The following PCDHA5 variants were observed in gnomAD, a reference collection of about 807,000 sequenced individuals.
PCDHA5 encodes protocadherin alpha 5.
A neutral mutation model predicts 61.6 loss-of-function variants in PCDHA5; 43 were observed. That is an observed-to-expected ratio of 0.70 (90% CI 0.55 to 0.90). The LOEUF (loss-of-function observed/expected upper bound fraction) is 0.90. PCDHA5 is among the 40% of genes least tolerant of loss of function. The pLI, the probability that PCDHA5 is intolerant of heterozygous loss-of-function variation, is 0.00. For missense variants in PCDHA5, 1,298 were observed against 1,222.7 expected, an observed-to-expected ratio of 1.06 and a Z score of -0.92; for synonymous variants, 627 against 543.9, an observed-to-expected ratio of 1.15 and a Z score of -2.13.
intron 1 of PCDHA5, among the ~76,000 whole-genome samples, chr5:140,921,337 C>T (rs1339756681): frequency 6.6e-6 from 1 of 152,082 alleles, no homozygotes; most frequent in Non-Finnish European, 1.5e-5. Flanking sequence ...GGTCCAATCA[C>T]ATAATATATT....
intron 1 of PCDHA5, among the ~76,000 whole-genome samples, chr5:140,846,239 T>TATACA (rs1419115940): frequency 1.3e-5 from 2 of 149,652 alleles, no homozygotes; most frequent in Admixed American, 6.7e-5. Context: ...TAAAAAGAAG[T>TATACA]ATACAATAAT....
At chr5:140,834,970 T>A (rs2150229489) in intron 1 of PCDHA5, 1 of 1,502,862 alleles carries the variant, frequency 6.7e-7, no homozygotes, top group Non-Finnish European at 9.0e-7. Context: ...GGACTTGTAT[T>A]ACGGAAACTT....
At chr5:140,869,117 A>G in intron 1 of PCDHA5, 2 of 1,605,428 alleles carry the variant, frequency 1.2e-6, no homozygotes, top group Non-Finnish European at 1.7e-6. Context: ...TTTGGTTTTC[A>G]GAGAAGGGGA....
At chr5:140,935,402 A>T (rs1297077002) in intron 1 of PCDHA5, among the ~76,000 whole-genome samples, 2 of 152,212 alleles carry the variant, frequency 1.3e-5, no homozygotes, top group Non-Finnish European at 2.9e-5. Flanking sequence ...ACGGGACTCA[A>T]ACAATGGACT....
Position 140,822,172 on chromosome 5 carries a change from TC to T in PCDHA5, c.399del (p.Arg134AspfsTer9). 1 of 1,614,252 alleles carries T rather than the reference TC, an allele frequency of 6.2e-7. No individual in the cohort carries two copies. The highest frequency in any genetic ancestry group is 8.5e-7 in the Non-Finnish European group (1 of 1,180,048). Reference protein sequence around the residue: ...KDINDNPPRFSRQEQRLFILE... With the variant: ...KDINDNPPRFXRQEQRLFILE... ...CATCAATGACAATCCGCCCAGGTTC[TC>T]CAGACAAGAACAAAGATTATTCATT... On this transcript the variant is annotated frameshift_variant, in exon 1 of 4. Transcript: ENST00000529859. LOFTEE classifies it high-confidence loss of function.
intron 1 of PCDHA5, among the ~76,000 whole-genome samples, chr5:140,946,305 T>C (rs1484740423): frequency 6.6e-6 from 1 of 151,868 alleles, no homozygotes; most frequent in East Asian, 1.9e-4. Flanking sequence ...CCTGGTAGAA[T>C]GGCTATTATT....
chr5:140,951,144 T>C (rs1052192456), intron 1 of PCDHA5, among the ~76,000 whole-genome samples: 3 of 100,560 alleles, frequency 3.0e-5, no homozygotes, highest in Non-Finnish European at 6.0e-5. Context: ...CTTTATCTTA[T>C]TGAATATAGT....
At chr5:140,843,901 A>C in intron 1 of PCDHA5, 3 of 653,454 alleles carry the variant, frequency 4.6e-6, no homozygotes, top group South Asian at 2.2e-5. Context: ...ATCATTCTCC[A>C]CAAGTTGGGT....
intron 1 of PCDHA5, among the ~76,000 whole-genome samples, chr5:140,977,307 G>A (rs1023836424): frequency 6.6e-6 from 1 of 152,304 alleles, no homozygotes; most frequent in Non-Finnish European, 1.5e-5. Context: ...ACAAGCTAAC[G>A]ATAGTGCTCC....
At chr5:140,969,957 G>A (rs1554232176) in intron 1 of PCDHA5, among the ~76,000 whole-genome samples, 1 of 152,178 alleles carries the variant, frequency 6.6e-6, no homozygotes, top group East Asian at 1.9e-4. Flanking sequence ...AGTTTGCTTT[G>A]GCTGTATGAT....
At chr5:140,940,017 T>C (rs1418030283) in intron 1 of PCDHA5, among the ~76,000 whole-genome samples, 1 of 152,234 alleles carries the variant, frequency 6.6e-6, no homozygotes, top group Non-Finnish European at 1.5e-5. Flanking sequence ...TTTTGTGTCA[T>C]ATGTTTTAAG....
chr5:140,959,642 A>G (rs1352450996), intron 1 of PCDHA5, among the ~76,000 whole-genome samples: 7 of 152,230 alleles, frequency 4.6e-5, no homozygotes, highest in African/African-American at 1.7e-4. Flanking sequence ...GAAAAAACAC[A>G]GAAGCAAAAT....
At chr5:140,862,417 T>A (rs77196804) in intron 1 of PCDHA5, 1 of 351,262 alleles carries the variant, frequency 2.8e-6, no homozygotes, top group East Asian at 7.4e-5. Context: ...CAAAAGGCGC[T>A]GCCCAGAAAC....
chr5:140,956,706 G>A (rs1166051458), intron 1 of PCDHA5, among the ~76,000 whole-genome samples: 2 of 152,172 alleles, frequency 1.3e-5, no homozygotes, highest in African/African-American at 4.8e-5. Flanking sequence ...GTTTGGAATA[G>A]CTTCAGAAGA....
intron 1 of PCDHA5, chr5:140,851,337 C>A: frequency 1.0e-6 from 1 of 979,030 alleles, no homozygotes; most frequent in Non-Finnish European, 1.2e-6. Flanking sequence ...TAGTTCTCTA[C>A]ATTTCTCTGG....
chr5:140,882,382 A>G (rs782774831), intron 1 of PCDHA5: 5 of 1,614,092 alleles, frequency 3.1e-6, no homozygotes, highest in Non-Finnish European at 4.2e-6. Context: ...TCCCCGAGGA[A>G]GCAAAACACG....
intron 1 of PCDHA5, chr5:140,829,251 G>A (rs1554131837): frequency 6.2e-7 from 1 of 1,614,150 alleles, no homozygotes; most frequent in East Asian, 2.2e-5. Context: ...CAGGTGAACT[G>A]CTCGCTGACG....
chr5:140,974,419 C>T (rs998974699), intron 1 of PCDHA5, among the ~76,000 whole-genome samples: 1 of 152,208 alleles, frequency 6.6e-6, no homozygotes, highest in African/African-American at 2.4e-5. Flanking sequence ...GTTTATTTTA[C>T]TTTCCTGGTT....
At chr5:140,838,701 C>T (rs1368590558) in intron 1 of PCDHA5, among the ~76,000 whole-genome samples, 2 of 151,802 alleles carry the variant, frequency 1.3e-5, no homozygotes, top group South Asian at 2.1e-4. Flanking sequence ...TTCGGGAGGC[C>T]GAGGCAGGAG....
Sources: gnomAD v4.1 joint callset for allele counts (sites outside exome capture counted in the v4.1 genomes callset) on GRCh38, gnomAD v4.1.1 for gene constraint, MANE v1.5 for transcripts, NCBI Gene and HGNC (gene_info 2026-07-23, HGNC 2026-07-21) for gene names.